The following COL5A1 variants were observed in gnomAD, a reference collection of about 807,000 sequenced individuals.
The protein encoded by COL5A1 is collagen type V alpha 1 chain.
Under a neutral mutation model 263.7 loss-of-function variants are expected in COL5A1, and 16 were observed. The ratio of observed to expected loss-of-function variants is 0.06; its 90% CI spans 0.04 to 0.09. The LOEUF is 0.09. Ranked by LOEUF, COL5A1 falls within the 10% of genes least tolerant of loss-of-function variation. The pLI is 1.00. For synonymous variants in COL5A1, 1,012 were observed against 1,004.5 expected (o/e 1.01, Z -0.14); for missense variants, 2,036 against 2,540.5 (o/e 0.80, Z 4.27).
At chr9:134,768,582 G>C (rs1836763158) in intron 25 of COL5A1, 119 bp downstream of exon 25, 3 of 1,041,528 alleles carry the variant, frequency 2.9e-6, no homozygotes, top group Non-Finnish European at 2.9e-6. Context: ...TTCTGGCTCT[G>C]TTGATGAAGA....
intron 63 of COL5A1, 45 bp downstream of exon 63, chr9:134,825,949 C>T (rs1339608998): frequency 7.8e-7 from 1 of 1,275,676 alleles, no homozygotes; most frequent in Non-Finnish European, 1.1e-6. Context: ...GCAGGCGTCA[C>T]AGACAGGGCC....
intron 11 of COL5A1, among the ~76,000 whole-genome samples, chr9:134,744,099 A>G (rs952893972): frequency 6.6e-6 from 1 of 152,172 alleles, no homozygotes; most frequent in Admixed American, 6.5e-5. Flanking sequence ...CTGACTCCGA[A>G]GGAGTTAGCT....
rs1838176234 is a variant in COL5A1, at chr9:134,803,220, C to T, written c.3114+225C>T. ...GGGCTTGAAGGGGGAGCGCAGGGGT[C>T]ACCACCATCCTCCACCCTCTGCTCT... is the stretch of plus-strand genomic sequence containing the variant. On this transcript the variant is annotated intron_variant, in intron 39 of 65. Coordinates refer to ENST00000371817, the MANE Select transcript of COL5A1 (RefSeq NM_000093.5). 2.6e-5 allele frequency among the ~76,000 whole-genome samples: 4 copies of T among 152,316 alleles called. No individual in the cohort carries two copies. The South Asian group carries it at 8.3e-4, about 32-fold the overall frequency.
chr9:134,705,633 CTG>C (rs1464119010), intron 4 of COL5A1, among the ~76,000 whole-genome samples: 2 of 152,236 alleles, frequency 1.3e-5, no homozygotes, highest in Admixed American at 1.3e-4. Context: ...GAGATCAAAT[CTG>C]TGTTAGATGT....
At chr9:134,734,376 C>T (rs1835020507) in intron 9 of COL5A1, among the ~76,000 whole-genome samples, 1 of 152,236 alleles carries the variant, frequency 6.6e-6, no homozygotes, top group Admixed American at 6.5e-5. Context: ...CCCCGGGCCC[C>T]AGCCTGCTCC....
At chr9:134,767,113 A>C in intron 23 of COL5A1, 60 bp downstream of exon 23, 3 of 1,572,690 alleles carry the variant, frequency 1.9e-6, no homozygotes, top group Non-Finnish European at 2.6e-6. Flanking sequence ...ACACGTCTCC[A>C]GTCCGGAGCC....
In COL5A1 at chr9:134,673,425, A is replaced by C. The variant is rs187318413; in HGVS notation, c.110-17487A>C. Among the ~76,000 whole-genome samples, 427 of 149,608 alleles carry C rather than the reference A, an allele frequency of 2.9e-3. 2 individuals carry two copies. Among genetic ancestry groups the C allele is most frequent in the African/African-American group, 1.0e-2 (406 of 40,616 alleles). ...CAGTGAGCCGAGATCACGCCACTGCACTCCAGCCTGGGCAATATGGCGAGA... is the reference window on the plus strand; with the variant it reads ...CAGTGAGCCGAGATCACGCCACTGCCCTCCAGCCTGGGCAATATGGCGAGA... On this transcript the variant is annotated intron_variant, in intron 1 of 65. Transcript: ENST00000371817.
chr9:134,750,484 C>T, intron 11 of COL5A1, 58 bp from the exon 12 acceptor site: 3 of 1,520,300 alleles, frequency 2.0e-6, no homozygotes, highest in Non-Finnish European at 2.7e-6. Context: ...ATTCTCGCTG[C>T]AGCCCAGCCC....
intron 1 of COL5A1, among the ~76,000 whole-genome samples, chr9:134,644,633 G>A (rs1023967831): frequency 2.0e-5 from 3 of 152,104 alleles, no homozygotes; most frequent in Admixed American, 6.5e-5. Flanking sequence ...CTCCATCTTC[G>A]GATCTGCCAG....
At chr9:134,772,756 C>T in intron 25 of COL5A1, 34 bp from the exon 26 acceptor site, 1 of 1,612,760 alleles carries the variant, frequency 6.2e-7, no homozygotes, top group South Asian at 1.1e-5. Flanking sequence ...TCTGGAGTGG[C>T]ACTGACTAAT....
rs139116598 is a variant in COL5A1 at position 134,811,558 on chromosome 9, C to T, written c.3649C>T (p.Pro1217Ser). The change falls in exon 46 of 66, where the codon CCC (proline) becomes TCC (serine). Residue 1217 changes from proline (P) to serine (S), a missense_variant. By Grantham distance (74) the Pro-to-Ser change is moderately conservative. This residue lies in a region of COL5A1 where 1,078 missense variants were observed against 1,521.4 expected (regional missense o/e 0.71). Transcript: ENST00000371817. ...TTTCGGGCAGAAAGGTGATGAAGGT[C>T]CCAGAGGCTTTCCTGGACCCCCTGG... ...GLFGQKGDEGPRGFPGPPGPV... is the reference protein window; with the variant it reads ...GLFGQKGDEGSRGFPGPPGPV... 3.4e-5 allele frequency: 54 copies of T among 1,575,370 alleles called. No individual in the cohort carries two copies. The African/African-American group carries it at 6.4e-4, about 19-fold the overall frequency.
At chr9:134,723,655 G>A (rs750505558) in intron 4 of COL5A1, among the ~76,000 whole-genome samples, 1 of 152,206 alleles carries the variant, frequency 6.6e-6, no homozygotes, top group Non-Finnish European at 1.5e-5. Context: ...GTGCACCCAG[G>A]CACCGGACGG....
At chr9:134,675,691 G>A (rs1012928802) in intron 1 of COL5A1, among the ~76,000 whole-genome samples, 2 of 152,196 alleles carry the variant, frequency 1.3e-5, no homozygotes, top group Non-Finnish European at 1.5e-5. Flanking sequence ...TTTGGGGCTG[G>A]GGGATCCATT....
intron 27 of COL5A1, among the ~76,000 whole-genome samples, chr9:134,776,514 A>T (rs1256239321): frequency 6.6e-6 from 1 of 152,176 alleles, no homozygotes; most frequent in Non-Finnish European, 1.5e-5. Context: ...TCGGGGAAAA[A>T]GTTTCTCATA....
At position 134,789,613 on chromosome 9, in the gene COL5A1, G is replaced by A. The variant is rs554777757; in HGVS notation, c.2700+405G>A. 2.5e-4 allele frequency among the ~76,000 whole-genome samples: 38 copies of A among 152,292 alleles called. No individual in the cohort carries two copies. Among genetic ancestry groups the A allele is most frequent in the Middle Eastern group, 3.4e-3 (1 of 294 alleles). On this transcript the variant is annotated intron_variant, in intron 32 of 65. Transcript: ENST00000371817. The surrounding 1 kb of genome is among the most constrained non-coding windows in gnomAD (Gnocchi z 4.8). ...TTCAAAAATGTCCTGCTACTTAACC[G>A]TCGTCCAAATTTAAAGTCATTTAAA...
intron 11 of COL5A1, among the ~76,000 whole-genome samples, chr9:134,748,855 T>C (rs1835674064): frequency 6.6e-6 from 1 of 152,190 alleles, no homozygotes; most frequent in African/African-American, 2.4e-5. Context: ...CCATTGTGCC[T>C]GGGAGATGCA....
chr9:134,754,823 T>G lies in COL5A1; in HGVS notation c.1827+497T>G, dbSNP rs548430184. Among the ~76,000 whole-genome samples, 51 of 152,276 alleles carry G rather than the reference T, an allele frequency of 3.3e-4. No homozygotes were observed. Among genetic ancestry groups the G allele is most frequent in the African/African-American group, 1.1e-3 (45 of 41,552 alleles). The stretch of plus-strand genomic sequence containing the variant: ...CTGGCTTCTAAAAGAGGACACACGT[T>G]TCCCGAGTGCTGACCACCACCCAGA... On this transcript the variant is annotated intron_variant, in intron 16 of 65. Coordinates refer to ENST00000371817, the MANE Select transcript of COL5A1 (RefSeq NM_000093.5). This position sits in a 1 kb window ranked among gnomAD's most constrained non-coding sequence, Gnocchi z 4.3.
Position 134,843,136 on chromosome 9 carries a change from G to GT in COL5A1, c.*838dup, listed in dbSNP as rs1367083519. On this transcript the variant is annotated 3_prime_UTR_variant, in exon 66 of 66. Transcript: ENST00000371817. ...AGGTACCAGTGCCCCTTTTCAGACA[G>GT]TTTTTGATTCGCTCTAGACTTTTTT... 6.7e-6 allele frequency: 1 copy of GT among 148,756 alleles called. No individual in the cohort carries two copies. The highest frequency in any genetic ancestry group is 2.5e-5 in the African/African-American group (1 of 39,512). 9.2% of individuals were successfully genotyped at this position (148,756 alleles called of 1,614,324 possible).
In COL5A1 at chr9:134,794,059, G is replaced by A. The variant is rs1320082032; in HGVS notation, c.2701-1023G>A. 6.6e-6 allele frequency among the ~76,000 whole-genome samples: 1 copy of A among 152,168 alleles called. No individual in the cohort carries two copies. The highest frequency in any genetic ancestry group is 1.5e-5 in the Non-Finnish European group (1 of 68,046). ...CCAGTCAAGTTCAGCCAGGCACGGT[G>A]GCTCACGCTTGTAATCCCAGCACTT... On this transcript the variant is annotated intron_variant, in intron 32 of 65. Coordinates refer to ENST00000371817, the MANE Select transcript of COL5A1 (RefSeq NM_000093.5). The surrounding 1 kb of genome is among the most constrained non-coding windows in gnomAD (Gnocchi z 4.3).
Sources: allele counts gnomAD v4.1 joint callset (sites outside exome capture counted in the v4.1 genomes callset), GRCh38; gene constraint gnomAD v4.1.1; regional missense constraint gnomAD v4.1.1; non-coding constraint Gnocchi (gnomAD v3.1); transcripts MANE v1.5; gene names NCBI Gene and HGNC (gene_info 2026-07-23, HGNC 2026-07-21).